Variants in RAP1GDS1 observed in about 807,000 individuals in gnomAD.
RAP1GDS1 encodes the protein Rap1 GTPase-GDP dissociation stimulator 1.
Under a neutral mutation model 71.1 loss-of-function variants are expected in RAP1GDS1, and 35 were observed. That is an observed-to-expected ratio of 0.49 (90% CI 0.38 to 0.65). The LOEUF is 0.65. Ranked by LOEUF, RAP1GDS1 falls within the 30% of genes least tolerant of loss-of-function variation. The probability of loss-of-function intolerance (pLI) is 0.00; values close to 1 mark genes in which losing one functional copy is unlikely to be tolerated. For missense variants in RAP1GDS1, 663 were observed against 706.1 expected, an observed-to-expected ratio of 0.94 and a Z score of 0.69; for synonymous variants, 229 against 243.1, an observed-to-expected ratio of 0.94 and a Z score of 0.54.
chr4:98,389,750 C>G (rs1367814788), intron 5 of RAP1GDS1, among the ~76,000 whole-genome samples: 2 of 152,126 alleles, frequency 1.3e-5, no homozygotes, highest in Admixed American at 1.3e-4. Context: ...TTACCTGGAA[C>G]CAAAATTTGT....
At chr4:98,383,074 A>G (rs563528311) in intron 5 of RAP1GDS1, among the ~76,000 whole-genome samples, 1 of 151,814 alleles carries the variant, frequency 6.6e-6, no homozygotes, top group East Asian at 1.9e-4. Context: ...CCAGAACACC[A>G]CCTTGTTGAC....
chr4:98,371,230 A>G (rs1210199857), intron 4 of RAP1GDS1, among the ~76,000 whole-genome samples: 2 of 150,592 alleles, frequency 1.3e-5, no homozygotes, highest in Non-Finnish European at 1.5e-5. Flanking sequence ...CTCCTGCCTC[A>G]GCCTCCTGAG....
intron 12 of RAP1GDS1, among the ~76,000 whole-genome samples, chr4:98,424,499 C>T (rs564782634): frequency 3.3e-4 from 50 of 152,304 alleles, no homozygotes; most frequent in African/African-American, 1.1e-3. Context: ...CGGTGGCTCA[C>T]GCCTGTAATC....
At chr4:98,286,886 T>TA (rs778410316) in intron 1 of RAP1GDS1, among the ~76,000 whole-genome samples, 5,547 of 89,614 alleles carry the variant, frequency 0.062, 201 homozygotes, top group Non-Finnish European at 0.077. Context: ...AACTCCGTCT[T>TA]AAAAAAAAAA....
chr4:98,376,715 A>G (rs556284831), intron 4 of RAP1GDS1, among the ~76,000 whole-genome samples: 1 of 152,158 alleles, frequency 6.6e-6, no homozygotes, highest in Non-Finnish European at 1.5e-5. Context: ...CTATTATTGT[A>G]ATACATGCTT....
At chr4:98,340,311 A>G (rs1735312092) in intron 2 of RAP1GDS1, among the ~76,000 whole-genome samples, 1 of 152,334 alleles carries the variant, frequency 6.6e-6, no homozygotes, top group East Asian at 1.9e-4. Context: ...TGGTATATAT[A>G]CACCATGGAA....
At position 98,274,250 on chromosome 4, in the gene RAP1GDS1, C is replaced by T. The variant is rs369520666; in HGVS notation, c.4+12681C>T. ...GTTCAGAAAATTTCGTTTGTGACCT[C>T]GAGCTCAAAAAAATCACAATAAAAC... is the stretch of plus-strand genomic sequence containing the variant. On this transcript the variant is annotated intron_variant, in intron 1 of 14. Transcript: ENST00000408927. Among the ~76,000 whole-genome samples the T allele has an allele frequency of 2.1e-4, 32 of 151,674 alleles. 4 individuals carry two copies. In the East Asian group the frequency reaches 2.5e-3, roughly 12 times the overall value.
At chr4:98,393,949 A>ATATT (rs1274999180) in intron 6 of RAP1GDS1, among the ~76,000 whole-genome samples, 1 of 152,160 alleles carries the variant, frequency 6.6e-6, no homozygotes, top group East Asian at 1.9e-4. Context: ...TGCTCTCATT[A>ATATT]TATTTCTGTT....
At chr4:98,349,274 T>A (rs1183414780) in intron 3 of RAP1GDS1, among the ~76,000 whole-genome samples, 1 of 152,200 alleles carries the variant, frequency 6.6e-6, no homozygotes, top group Non-Finnish European at 1.5e-5. Flanking sequence ...ATCAGATGGT[T>A]GTAAATGTGT....
At chr4:98,303,332 C>G (rs1037709361) in intron 2 of RAP1GDS1, among the ~76,000 whole-genome samples, 2 of 152,004 alleles carry the variant, frequency 1.3e-5, no homozygotes, top group African/African-American at 4.8e-5. Context: ...TGAAATGAAG[C>G]TAGTCTAAAT....
At chr4:98,305,965 T>C (rs921872001) in intron 2 of RAP1GDS1, among the ~76,000 whole-genome samples, 1 of 152,216 alleles carries the variant, frequency 6.6e-6, no homozygotes, top group Admixed American at 6.6e-5. Flanking sequence ...TCAGTATTTA[T>C]AGTACCAGTA....
At chr4:98,363,776 A>G (rs1739099035) in intron 4 of RAP1GDS1, among the ~76,000 whole-genome samples, 1 of 152,140 alleles carries the variant, frequency 6.6e-6, no homozygotes, top group African/African-American at 2.4e-5. Context: ...ATTAAGAGTT[A>G]AGAAGGGAAG....
At chr4:98,395,688 C>T (rs1166027966) in intron 6 of RAP1GDS1, among the ~76,000 whole-genome samples, 1 of 152,162 alleles carries the variant, frequency 6.6e-6, no homozygotes, top group East Asian at 1.9e-4. Flanking sequence ...CATAGATACT[C>T]TTTAGGATAG....
chr4:98,413,236 ATACTTT>A (rs987476970), intron 7 of RAP1GDS1, among the ~76,000 whole-genome samples: 7 of 149,588 alleles, frequency 4.7e-5, no homozygotes, highest in South Asian at 2.1e-4. Context: ...TTTTTTTATT[ATACTTT>A]AAGTTTTAGG....
intron 2 of RAP1GDS1, among the ~76,000 whole-genome samples, chr4:98,329,654 T>A (rs182359649): frequency 2.5e-4 from 38 of 152,110 alleles, no homozygotes; most frequent in Middle Eastern, 3.4e-3. Context: ...CTGGGCATGG[T>A]GGCAGACACC....
intron 1 of RAP1GDS1, among the ~76,000 whole-genome samples, chr4:98,285,151 T>C (rs2110261842): frequency 6.6e-6 from 1 of 152,318 alleles, no homozygotes; most frequent in East Asian, 1.9e-4. Flanking sequence ...AAGATACATT[T>C]CCTCAGTGAG....
Position 98,442,197 on chromosome 4 carries a change from C to CT in RAP1GDS1, c.*81dup, listed in dbSNP as rs963590359. ...CCAGCGGCTTCTTCCGCTTCATTCTCTACCATACCACTTGTGCATGCATGT... is the reference window on the plus strand; with the variant it reads ...CCAGCGGCTTCTTCCGCTTCATTCTCTTACCATACCACTTGTGCATGCATGT... On this transcript the variant is annotated 3_prime_UTR_variant, in exon 15 of 15. Transcript: ENST00000408927. 1.5e-5 allele frequency: 24 copies of CT among 1,552,760 alleles called. No homozygotes were observed. In the Admixed American group the frequency reaches 4.1e-4, roughly 26 times the overall value.
chr4:98,288,685 G>C (rs1020363132), intron 1 of RAP1GDS1, among the ~76,000 whole-genome samples: 28 of 152,100 alleles, frequency 1.8e-4, no homozygotes, highest in Admixed American at 5.9e-4. Context: ...ACATCCTCTC[G>C]AGCACCTGTT....
intron 5 of RAP1GDS1, among the ~76,000 whole-genome samples, chr4:98,387,000 T>C (rs973149468): frequency 6.6e-6 from 1 of 152,176 alleles, no homozygotes; most frequent in Non-Finnish European, 1.5e-5. Flanking sequence ...TTTTAGCCAA[T>C]TTGTATTAGA....
Sources: gnomAD v4.1 joint callset for allele counts (sites outside exome capture counted in the v4.1 genomes callset) on GRCh38, gnomAD v4.1.1 for gene constraint, MANE v1.5 for transcripts, NCBI Gene and HGNC (gene_info 2026-07-23, HGNC 2026-07-21) for gene names.